Variants in USP10 observed in about 807,000 individuals in gnomAD.
USP10 encodes ubiquitin specific peptidase 10, also known as ubiquitin carboxyl-terminal hydrolase 10.
In USP10, 22 loss-of-function variants were observed where a neutral mutation model predicts 84.5. That is an observed-to-expected ratio of 0.26 (90% CI 0.19 to 0.37). The LOEUF (loss-of-function observed/expected upper bound fraction) is 0.37. Among genes scored for constraint, USP10 ranks in the 10% least tolerant of loss-of-function variants. The pLI is 1.00. For missense variants in USP10, 1,019 were observed against 998.9 expected (o/e 1.02, Z -0.27); for synonymous variants, 454 against 387.6 (o/e 1.17, Z -2.01).
chr16:84,708,483 A>G (rs1237730980), intron 1 of USP10, among the ~76,000 whole-genome samples: 1 of 152,238 alleles, frequency 6.6e-6, no homozygotes, highest in Non-Finnish European at 1.5e-5. Context: ...ATTCACATTC[A>G]GATTCTTGTC....
intron 11 of USP10, among the ~76,000 whole-genome samples, chr16:84,768,632 A>G (rs1296983201): frequency 6.6e-6 from 1 of 152,188 alleles, no homozygotes; most frequent in African/African-American, 2.4e-5. Context: ...CAATCTAATG[A>G]TGATATCACA....
intron 1 of USP10, among the ~76,000 whole-genome samples, chr16:84,724,986 A>C (rs796309566): frequency 4.6e-5 from 7 of 152,306 alleles, no homozygotes; most frequent in African/African-American, 1.7e-4. Context: ...AAGAAATTAA[A>C]ATTTTTATTT....
chr16:84,700,100 C>T lies in USP10; in HGVS notation c.10C>T (p.His4Tyr), dbSNP rs773867025. The change falls in exon 1 of 14, where the codon CAC (histidine) becomes TAC (tyrosine). Residue 4 changes from histidine to tyrosine, a missense_variant. His to Tyr is a moderately conservative substitution (Grantham distance 83, BLOSUM62 2). Coordinates refer to ENST00000219473, the MANE Select transcript of USP10 (RefSeq NM_005153.3). MAL[H>Y]SPQYIFGDFS... ...AATGAAACGGGCAGCCATGGCCCTC[C>T]ACAGCCCGCAGGTAGCCGCCGGTCT... The T allele has an allele frequency of 2.9e-6, 4 of 1,358,732 alleles. No homozygotes were observed. Among genetic ancestry groups the T allele is most frequent in the Non-Finnish European group, 3.9e-6 (4 of 1,034,760 alleles). 84.2% of individuals were successfully genotyped at this position (1,358,732 alleles called of 1,614,324 possible).
intron 4 of USP10, among the ~76,000 whole-genome samples, chr16:84,750,710 A>G (rs1911829664): frequency 6.6e-6 from 1 of 152,212 alleles, no homozygotes; most frequent in Non-Finnish European, 1.5e-5. Context: ...TTTGCTTTCA[A>G]AATTATGCAA....
chr16:84,701,613 G>A (rs1008986858), intron 1 of USP10, among the ~76,000 whole-genome samples: 1 of 152,184 alleles, frequency 6.6e-6, no homozygotes, highest in African/African-American at 2.4e-5. Context: ...CATGAAGAAA[G>A]CATCTTTAGG....
Position 84,714,731 on chromosome 16 carries a change from C to G in USP10, c.21+14620C>G, listed in dbSNP as rs369419326. ...AGCAAATTAAGCACATTATTGTAAA[C>G]TGGAAGATGAACGTCCTTAATTCAT... On this transcript the variant is annotated intron_variant, in intron 1 of 13. Coordinates refer to ENST00000219473, the MANE Select transcript of USP10 (RefSeq NM_005153.3). Among the ~76,000 whole-genome samples, 10 of 151,952 alleles carry G rather than the reference C, an allele frequency of 6.6e-5. 1 individual carries two copies. Among genetic ancestry groups the G allele is most frequent in the Admixed American group, 5.2e-4 (8 of 15,260 alleles).
chr16:84,738,102 A>C (rs865873809), intron 2 of USP10, among the ~76,000 whole-genome samples: 1 of 51,574 alleles, frequency 1.9e-5, no homozygotes, highest in African/African-American at 1.1e-4. Context: ...CTGCCTTGTG[A>C]AGTGGATGGG....
In USP10 at chr16:84,748,479, T is replaced by A. The variant is rs183801750; in HGVS notation, c.1192+2806T>A. Among the ~76,000 whole-genome samples the A allele has an allele frequency of 2.5e-3, 378 of 152,122 alleles. 1 individual carries two copies. Among genetic ancestry groups the A allele is most frequent in the African/African-American group, 8.6e-3 (358 of 41,522 alleles). On this transcript the variant is annotated intron_variant, in intron 4 of 13. Transcript: ENST00000219473. ...GCACCACGCCAGGCTAATTTTTGTATTTTTAGTAGAGACCGAGTTTCACCA... is the reference window on the plus strand; with the variant it reads ...GCACCACGCCAGGCTAATTTTTGTAATTTTAGTAGAGACCGAGTTTCACCA...
intron 1 of USP10, among the ~76,000 whole-genome samples, chr16:84,715,976 A>T (rs980692870): frequency 1.3e-5 from 2 of 152,152 alleles, no homozygotes; most frequent in African/African-American, 4.8e-5. Flanking sequence ...CCAGAATTTT[A>T]GGCAGTGTCC....
At chr16:84,763,184 C>T (rs1366268911) in intron 9 of USP10, 96 bp downstream of exon 9, 6 of 649,614 alleles carry the variant, frequency 9.2e-6, no homozygotes, top group East Asian at 2.7e-5. Flanking sequence ...GCCCCTCAGT[C>T]GTTTTCCTTT....
chr16:84,745,677 T>C lies in USP10; in HGVS notation c.1192+4T>C. ...CCTGTAGCCATAAAGATTGCAGGTA[T>C]AGTTGAAAAGATACAAATCTAGAGT... On this transcript the variant is annotated splice_donor_region_variant and intron_variant, in intron 4 of 13. Transcript: ENST00000219473. The C allele has an allele frequency of 6.2e-7, 1 of 1,603,900 alleles. No individual in the cohort carries two copies. The highest frequency in any genetic ancestry group is 8.5e-7 in the Non-Finnish European group (1 of 1,174,766).
intron 1 of USP10, among the ~76,000 whole-genome samples, chr16:84,710,668 G>A (rs1042838039): frequency 1.3e-5 from 2 of 152,182 alleles, no homozygotes; most frequent in Non-Finnish European, 2.9e-5. Context: ...AATGTTTCCT[G>A]TAGTACTTTT....
At chr16:84,731,661 T>G (rs1381227440) in intron 1 of USP10, among the ~76,000 whole-genome samples, 1 of 152,234 alleles carries the variant, frequency 6.6e-6, no homozygotes, top group African/African-American at 2.4e-5. Flanking sequence ...TGTTGCCCCA[T>G]TGCCTTCCAT....
intron 13 of USP10, among the ~76,000 whole-genome samples, chr16:84,776,830 T>G (rs555956342): frequency 5.9e-5 from 9 of 152,272 alleles, no homozygotes; most frequent in Admixed American, 2.6e-4. Flanking sequence ...ATTATTTTTT[T>G]GAGATAGAGT....
At chr16:84,732,508 G>A (rs1001031116) in intron 1 of USP10, 18 of 383,516 alleles carry the variant, frequency 4.7e-5, no homozygotes, top group African/African-American at 6.8e-5. Flanking sequence ...GTGCGGTGGC[G>A]CGATCTCAGC....
Position 84,733,496 on chromosome 16 carries a change from C to T in USP10, c.83C>T (p.Ser28Leu). 1 of 1,609,072 alleles carries T rather than the reference C, an allele frequency of 6.2e-7. No homozygotes were observed. The highest frequency in any genetic ancestry group is 8.5e-7 in the Non-Finnish European group (1 of 1,178,520). ...FNQFFVTPRS[S>L]VELPPYSGTV... ...CAATTCTTTGTGACTCCTCGATCTTCAGTTGAGGTAAGACAAAACTTTGTT... is the reference window on the plus strand; with the variant it reads ...CAATTCTTTGTGACTCCTCGATCTTTAGTTGAGGTAAGACAAAACTTTGTT... Residue 28 changes from serine to leucine, a missense_variant, in exon 2 of 14, where the codon TCA becomes TTA. Ser to Leu is a moderately radical substitution (Grantham distance 145, BLOSUM62 -2). Coordinates refer to ENST00000219473, the MANE Select transcript of USP10 (RefSeq NM_005153.3).
At position 84,763,457 on chromosome 16, in the gene USP10, G is replaced by A. The variant is rs114605464; in HGVS notation, c.1654+369G>A. ...TGTCCATCCATATATACATACATAC[G>A]CATACATTTTCCCTGAATGATTCAA... On this transcript the variant is annotated intron_variant, in intron 9 of 13. Coordinates refer to ENST00000219473, the MANE Select transcript of USP10 (RefSeq NM_005153.3). 8.0e-3 allele frequency among the ~76,000 whole-genome samples: 1,219 copies of A among 152,052 alleles called. 10 individuals are homozygous for A. The highest frequency in any genetic ancestry group is 0.027 in the African/African-American group (1,132 of 41,480).
chr16:84,751,166 C>T (rs1395414219), intron 4 of USP10, among the ~76,000 whole-genome samples: 1 of 152,222 alleles, frequency 6.6e-6, no homozygotes, highest in Non-Finnish European at 1.5e-5. Flanking sequence ...CAGTACACAA[C>T]ATGCTGTACG....
At chr16:84,757,395 GGGTGGGGGTGTGTGTGTGTGTGTGT>G (rs1912678942) in intron 4 of USP10, among the ~76,000 whole-genome samples, 1 of 82,522 alleles carries the variant, frequency 1.2e-5, no homozygotes, top group African/African-American at 4.4e-5. Context: ...GGAATGAGAG[GGGTGGGGGTGTGTGTGTGTGTGTGT>G]GTGTGTGTGT....
Sources: allele counts gnomAD v4.1 joint callset (sites outside exome capture counted in the v4.1 genomes callset), GRCh38; gene constraint gnomAD v4.1.1; transcripts MANE v1.5; gene names NCBI Gene and HGNC (gene_info 2026-07-23, HGNC 2026-07-21).